Variants in CEP128 observed in about 807,000 individuals in gnomAD.
The protein encoded by CEP128 is centrosomal protein 128kDa.
Under a neutral mutation model 156.7 loss-of-function variants are expected in CEP128, and 132 were observed. The ratio of observed to expected loss-of-function variants is 0.84; its 90% CI spans 0.73 to 0.97. CEP128 has a LOEUF of 0.97. Among genes scored for constraint, CEP128 ranks in the 50% least tolerant of loss-of-function variants. The pLI is 0.00. For synonymous variants in CEP128, 469 were observed against 448.9 expected (o/e 1.04, Z -0.57); for missense variants, 1,252 against 1,281.9 (o/e 0.98, Z 0.36).
chr14:80,626,470 CAAAAAAAAAAAAAAAAAA>C (rs60238276), intron 19 of CEP128, among the ~76,000 whole-genome samples: 1 of 80,684 alleles, frequency 1.2e-5, no homozygotes, highest in Non-Finnish European at 2.3e-5. Flanking sequence ...GACTCCGTCT[CAAAAAAAAAAAAAAAAAA>C]AAAAAAAGAG....
chr14:80,904,324 C>G (rs2095717471), intron 6 of CEP128, among the ~76,000 whole-genome samples: 1 of 151,862 alleles, frequency 6.6e-6, no homozygotes, highest in African/African-American at 2.4e-5. Flanking sequence ...ATAATGGTTA[C>G]CAGAGGGTGG....
At chr14:80,507,621 G>C (rs1450258363) in intron 23 of CEP128, among the ~76,000 whole-genome samples, 1 of 152,148 alleles carries the variant, frequency 6.6e-6, no homozygotes, top group East Asian at 1.9e-4. Flanking sequence ...AAGATGCTTT[G>C]ATGATTAGAG....
chr14:80,773,910 A>G (rs554731467), intron 16 of CEP128, among the ~76,000 whole-genome samples: 179 of 152,332 alleles, frequency 1.2e-3, no homozygotes, highest in African/African-American at 4.0e-3. Context: ...ATAATATTTC[A>G]GGGTAGCTTT....
At chr14:80,816,597 G>A (rs1407010695) in intron 13 of CEP128, among the ~76,000 whole-genome samples, 1 of 152,150 alleles carries the variant, frequency 6.6e-6, no homozygotes, top group African/African-American at 2.4e-5. Context: ...TCTACCAAAA[G>A]CTCCACTACA....
intron 12 of CEP128, among the ~76,000 whole-genome samples, chr14:80,833,785 G>C (rs573849008): frequency 9.2e-5 from 14 of 152,232 alleles, no homozygotes; most frequent in African/African-American, 2.9e-4. Flanking sequence ...TGCTTAAGCC[G>C]GGGCAGTGGG....
chr14:80,938,929 A>G (rs1249405462), intron 2 of CEP128, among the ~76,000 whole-genome samples: 1 of 152,236 alleles, frequency 6.6e-6, no homozygotes, highest in African/African-American at 2.4e-5. Context: ...ATAAACAGCA[A>G]TGAAGCCCCT....
chr14:80,665,756 A>G (rs1295528922), intron 19 of CEP128, among the ~76,000 whole-genome samples: 2 of 152,146 alleles, frequency 1.3e-5, no homozygotes, highest in Non-Finnish European at 2.9e-5. Flanking sequence ...TAAGTGGGAG[A>G]ATTGAATCAA....
At chr14:80,479,965 C>T (rs901886924) in intron 14 of CEP128, among the ~76,000 whole-genome samples, 4 of 152,212 alleles carry the variant, frequency 2.6e-5, no homozygotes, top group Admixed American at 2.0e-4. Flanking sequence ...CCAGGTCTCA[C>T]ATCCAGGTCA....
rs531166501 is a variant in CEP128 at position 80,525,885 on chromosome 14, C to T, written c.3072+984G>A. Among the ~76,000 whole-genome samples the T allele has an allele frequency of 7.2e-5, 11 of 152,176 alleles. No homozygotes were observed. In the South Asian group the frequency reaches 8.3e-4, roughly 12 times the overall value. On this transcript the variant is annotated intron_variant, in intron 23 of 24. Transcript: ENST00000555265. ...CCAATTACATTCAGAGGAGGAAAGA[C>T]GCTTCTTAGAATTAATTATATTTCA... is the stretch of plus-strand genomic sequence containing the variant.
chr14:80,845,332 C>T (rs1004968765), intron 9 of CEP128, among the ~76,000 whole-genome samples: 1 of 152,104 alleles, frequency 6.6e-6, no homozygotes, highest in Non-Finnish European at 1.5e-5. Flanking sequence ...TTTATGCAAT[C>T]TTTTACTTAA....
At chr14:80,854,423 A>C (rs1324204408) in intron 9 of CEP128, among the ~76,000 whole-genome samples, 1 of 152,204 alleles carries the variant, frequency 6.6e-6, no homozygotes, top group African/African-American at 2.4e-5. Flanking sequence ...AAACGAATAC[A>C]TGACCAAAAA....
chr14:80,673,008 C>T (rs888617143), intron 19 of CEP128, among the ~76,000 whole-genome samples: 7 of 152,034 alleles, frequency 4.6e-5, no homozygotes, highest in African/African-American at 1.4e-4. Context: ...AAGGAAAGTA[C>T]GTGATGGTTA....
exon 15 of CEP128, chr14:80,478,258 C>A (rs1411513024): frequency 6.6e-6 from 1 of 152,092 alleles, no homozygotes; most frequent in African/African-American, 2.4e-5. Context: ...TCCCACCTGG[C>A]TGCTCTTTGT....
chr14:80,743,136 A>G lies in CEP128; in HGVS notation c.2745T>C (p.Cys915=). 1.2e-6 allele frequency: 2 copies of G among 1,613,834 alleles called. No homozygotes were observed. The highest frequency in any genetic ancestry group is 1.7e-6 in the Non-Finnish European group (2 of 1,179,832). Reference sequence around the variant, plus strand: ...CCTGCCTTTCTATCTGTTGAAAGAGACACTGCAACTCAGATTCCTTGTTTT... The same window carrying G: ...CCTGCCTTTCTATCTGTTGAAAGAGGCACTGCAACTCAGATTCCTTGTTTT... ...LTENKESELQ[C]LFQQIERQEQ... Residue 915 remains cysteine, a synonymous_variant, in exon 19 of 25, where the codon TGT becomes TGC. Transcript: ENST00000555265.
intron 21 of CEP128, among the ~76,000 whole-genome samples, chr14:80,538,862 C>A (rs1889608999): frequency 6.6e-6 from 1 of 152,262 alleles, no homozygotes; most frequent in East Asian, 1.9e-4. Flanking sequence ...CTCTCCATTG[C>A]CTCATGAGCC....
chr14:80,675,324 T>C (rs1205672630), intron 19 of CEP128, among the ~76,000 whole-genome samples: 1 of 152,076 alleles, frequency 6.6e-6, no homozygotes, highest in East Asian at 1.9e-4. Context: ...AACGTAAAAG[T>C]AGTATTACTG....
At chr14:80,862,710 A>T (rs564479769) in intron 9 of CEP128, 47 bp downstream of exon 9, 63 of 1,249,422 alleles carry the variant, frequency 5.0e-5, no homozygotes, top group Non-Finnish European at 6.7e-5. Flanking sequence ...GGCTAAATAA[A>T]CATCCAAATT....
chr14:80,812,098 T>C (rs1299060979), intron 13 of CEP128, among the ~76,000 whole-genome samples: 7 of 152,194 alleles, frequency 4.6e-5, no homozygotes, highest in East Asian at 1.9e-4. Flanking sequence ...TTCCTTTCTT[T>C]GAGCCCATGT....
chr14:80,706,917 C>A (rs183316889), intron 19 of CEP128, among the ~76,000 whole-genome samples: 1 of 152,212 alleles, frequency 6.6e-6, no homozygotes, highest in East Asian at 1.9e-4. Context: ...CTACTCAACC[C>A]ATCCGTGATA....
Sources: allele counts gnomAD v4.1 joint callset (sites outside exome capture counted in the v4.1 genomes callset), GRCh38; gene constraint gnomAD v4.1.1; transcripts MANE v1.5; gene names NCBI Gene and HGNC (gene_info 2026-07-23, HGNC 2026-07-21).